Variants in SUGCT observed in about 807,000 individuals in gnomAD.
SUGCT encodes succinyl-CoA:glutarate-CoA transferase.
In SUGCT, 41 loss-of-function variants were observed where a neutral mutation model predicts 55.0. That is an observed-to-expected ratio of 0.74 (90% confidence interval 0.58 to 0.97). The LOEUF is 0.97. SUGCT is among the 50% of genes least tolerant of loss of function. SUGCT has a pLI of 0.00. For synonymous variants in SUGCT, 187 were observed against 200.4 expected (o/e 0.93, Z 0.56); for missense variants, 568 against 547.8 (o/e 1.04, Z -0.37).
At chr7:40,693,636 T>C (rs185559495) in intron 12 of SUGCT, among the ~76,000 whole-genome samples, 3 of 152,272 alleles carry the variant, frequency 2.0e-5, no homozygotes, top group Non-Finnish European at 4.4e-5. Flanking sequence ...CCTGGACATA[T>C]TTGCTAAAAG....
intron 12 of SUGCT, among the ~76,000 whole-genome samples, chr7:40,649,171 C>T (rs1800657519): frequency 6.7e-6 from 1 of 148,516 alleles, no homozygotes; most frequent in South Asian, 2.1e-4. Context: ...GTTTTACTAC[C>T]TTTCCATTTT....
chr7:40,879,684 TGTG>T, the SUGCT span, among the ~76,000 whole-genome samples: 75 of 152,336 alleles, frequency 4.9e-4, no homozygotes, highest in Non-Finnish European at 5.7e-4. Flanking sequence ...CCTGTTTTAT[TGTG>T]GTAAAAAATG....
At chr7:40,208,734 G>A (rs771562767) in intron 6 of SUGCT, among the ~76,000 whole-genome samples, 3 of 151,980 alleles carry the variant, frequency 2.0e-5, no homozygotes, top group Middle Eastern at 3.4e-3. Flanking sequence ...TAGTAGAGAC[G>A]GGGTTTCACC....
At chr7:40,455,227 A>T (rs1789416105) in intron 10 of SUGCT, among the ~76,000 whole-genome samples, 1 of 152,196 alleles carries the variant, frequency 6.6e-6, no homozygotes. Context: ...TTAAACATCT[A>T]TGCAAAAATA....
chr7:40,887,344 C>T, the SUGCT span, among the ~76,000 whole-genome samples: 12 of 152,138 alleles, frequency 7.9e-5, no homozygotes, highest in Admixed American at 7.9e-4. Context: ...AGCTGGAAAC[C>T]AGTTAGGAAA....
At chr7:40,640,402 A>C in intron 12 of SUGCT, among the ~76,000 whole-genome samples, 1 of 152,236 alleles carries the variant, frequency 6.6e-6, no homozygotes, top group South Asian at 2.1e-4. Flanking sequence ...TACTACACTT[A>C]GTGTAGATAC....
chr7:40,448,991 G>A (rs1199873493), intron 9 of SUGCT, among the ~76,000 whole-genome samples: 3 of 151,522 alleles, frequency 2.0e-5, no homozygotes, highest in East Asian at 1.9e-4. Flanking sequence ...GAGAAAGAGA[G>A]AGAGAGAGAG....
At chr7:40,149,765 A>G (rs1788453393) in intron 1 of SUGCT, among the ~76,000 whole-genome samples, 4 of 152,242 alleles carry the variant, frequency 2.6e-5, no homozygotes, top group Non-Finnish European at 5.9e-5. Flanking sequence ...TAAAAATACA[A>G]AAAATTAGCC....
At chr7:40,355,631 T>C (rs1016545570) in intron 9 of SUGCT, among the ~76,000 whole-genome samples, 1 of 152,204 alleles carries the variant, frequency 6.6e-6, no homozygotes, top group Non-Finnish European at 1.5e-5. Flanking sequence ...TTTAAGTGAT[T>C]AAATTAAAGA....
chr7:40,674,539 A>G lies in SUGCT; in HGVS notation c.1090-74895A>G, dbSNP rs143468201. On this transcript the variant is annotated intron_variant, in intron 12 of 13. Coordinates refer to ENST00000335693, the MANE Select transcript of SUGCT (RefSeq NM_001193313.2). ...AGCTACAGAGGAATTCTCACCAACC[A>G]CAGCAGGAAAGAACCTGGACGGGGA... Among the ~76,000 whole-genome samples, 203 of 152,364 alleles carry G rather than the reference A, an allele frequency of 1.3e-3. 6 individuals carry two copies. In the East Asian group the frequency reaches 0.033, roughly 24 times the overall value.
At chr7:40,790,440 T>C (rs1020736391) in intron 13 of SUGCT, among the ~76,000 whole-genome samples, 4 of 152,244 alleles carry the variant, frequency 2.6e-5, no homozygotes, top group African/African-American at 7.2e-5. Context: ...TATTTCTTCA[T>C]AGCAGTGTGA....
intron 12 of SUGCT, among the ~76,000 whole-genome samples, chr7:40,536,549 G>C (rs1355665724): frequency 6.6e-6 from 1 of 152,216 alleles, no homozygotes; most frequent in Non-Finnish European, 1.5e-5. Flanking sequence ...TTGGATGTGA[G>C]ATAGCCACAT....
At chr7:40,568,580 G>A (rs759148651) in intron 12 of SUGCT, among the ~76,000 whole-genome samples, 2 of 152,156 alleles carry the variant, frequency 1.3e-5, no homozygotes, top group African/African-American at 2.4e-5. Context: ...CACCATAGTC[G>A]TCGTTGGTGG....
At chr7:40,774,649 C>G (rs1789359049) in intron 13 of SUGCT, among the ~76,000 whole-genome samples, 1 of 151,962 alleles carries the variant, frequency 6.6e-6, no homozygotes, top group Admixed American at 6.6e-5. Flanking sequence ...TACTTGTCTA[C>G]AGATTATAAA....
intron 13 of SUGCT, among the ~76,000 whole-genome samples, chr7:40,847,802 G>A (rs1793650228): frequency 6.6e-6 from 1 of 151,902 alleles, no homozygotes; most frequent in South Asian, 2.1e-4. Context: ...TCATATTCCT[G>A]GAAACTAGTA....
intron 9 of SUGCT, among the ~76,000 whole-genome samples, chr7:40,362,692 T>G (rs1298836498): frequency 1.3e-5 from 2 of 152,142 alleles, no homozygotes; most frequent in African/African-American, 4.8e-5. Context: ...ATTTTAAAAA[T>G]TGAGATATAA....
In SUGCT at chr7:40,457,846, C is replaced by T. The variant is rs113708566; in HGVS notation, c.889-1255C>T. Reference sequence around the variant, plus strand: ...AATTTAACCTGTGACTTAGTGAAGACGCTTGGTTTTTTCTTGGAATGACTT... The same window carrying T: ...AATTTAACCTGTGACTTAGTGAAGATGCTTGGTTTTTTCTTGGAATGACTT... On this transcript the variant is annotated intron_variant, in intron 10 of 13. Transcript: ENST00000335693. 2.4e-3 allele frequency among the ~76,000 whole-genome samples: 358 copies of T among 152,170 alleles called. 1 individual carries two copies. Among genetic ancestry groups the T allele is most frequent in the Middle Eastern group, 0.01 (3 of 294 alleles).
intron 9 of SUGCT, among the ~76,000 whole-genome samples, chr7:40,377,204 T>TTTCC (rs1554326875): frequency 0.021 from 253 of 11,848 alleles, 62 homozygotes; most frequent in Non-Finnish European, 0.05. Flanking sequence ...CTTTCTTTTC[T>TTTCC]TTTCTTTTCT....
intron 13 of SUGCT, among the ~76,000 whole-genome samples, chr7:40,766,430 G>A (rs563758615): frequency 1.5e-3 from 225 of 151,970 alleles, no homozygotes; most frequent in African/African-American, 5.2e-3. Context: ...GGCTGGTCTC[G>A]AACTCCTGAC....
Sources: allele counts gnomAD v4.1 joint callset (sites outside exome capture counted in the v4.1 genomes callset), GRCh38; gene constraint gnomAD v4.1.1; transcripts MANE v1.5; gene names NCBI Gene and HGNC (gene_info 2026-07-23, HGNC 2026-07-21).